CDH10: variants seen among roughly 807,000 people sequenced by gnomAD.
CDH10 encodes the protein cadherin 10.
CDH10 carries 30 observed loss-of-function variants against 73.1 expected under a neutral mutation model. The observed-to-expected ratio is 0.41, with a 90% CI of 0.31 to 0.56. The LOEUF (loss-of-function observed/expected upper bound fraction) is 0.56, where lower values mean the gene tolerates loss of function less well. CDH10 is among the 20% of genes least tolerant of loss of function. The pLI is 0.27. For synonymous variants in CDH10, 345 were observed against 348.2 expected, an observed-to-expected ratio of 0.99 and a Z score of 0.10; for missense variants, 815 against 973.7, an observed-to-expected ratio of 0.84 and a Z score of 2.17.
chr5:24,493,073 G>T (rs78596698), intron 9 of CDH10, 148 bp from the exon 10 acceptor site: 12,215 of 502,224 alleles, frequency 0.024, 1,212 homozygotes, highest in African/African-American at 0.22. Flanking sequence ...CATCTTTTTA[G>T]TATTACTTTG....
At chr5:24,639,395 C>A (rs1205101839) in intron 1 of CDH10, among the ~76,000 whole-genome samples, 1 of 151,568 alleles carries the variant, frequency 6.6e-6, no homozygotes, top group Non-Finnish European at 1.5e-5. Flanking sequence ...ATTACTAGGG[C>A]AAATATATGG....
intron 2 of CDH10, among the ~76,000 whole-genome samples, chr5:24,543,295 A>G (rs949445587): frequency 6.6e-6 from 1 of 152,106 alleles, no homozygotes. Flanking sequence ...CAAAAACTGG[A>G]AAAGTAGAGA....
chr5:24,541,070 T>C (rs1744137441), intron 2 of CDH10, among the ~76,000 whole-genome samples: 1 of 151,820 alleles, frequency 6.6e-6, no homozygotes, highest in Non-Finnish European at 1.5e-5. Context: ...CTTTTCAGAG[T>C]AAATAAAGGA....
Position 24,487,962 on chromosome 5 carries a change from T to C in CDH10, c.2068A>G (p.Ile690Val), listed in dbSNP as rs772047494. ...AIEEKKLRRD[I>V]IPETLFIPRR... Reference sequence around the variant, plus strand: ...GGAATAAATAACGTTTCTGGAATAATATCTCGCCGGAGCTTTTTTTCCTCA... The same window carrying C: ...GGAATAAATAACGTTTCTGGAATAACATCTCGCCGGAGCTTTTTTTCCTCA... The change falls in exon 12 of 12, where the codon ATT (isoleucine) becomes GTT (valine). Residue 690 changes from isoleucine to valine, a missense_variant. Physicochemically the swap from Ile to Val is conservative, Grantham distance 29. Around this residue, in one of 3 missense-constraint regions of CDH10, gnomAD observed 241 missense variants for 240.3 expected, o/e 1.00. Coordinates refer to ENST00000264463, the MANE Select transcript of CDH10 (RefSeq NM_006727.5). The C allele has an allele frequency of 1.9e-6, 3 of 1,613,886 alleles. No individual in the cohort carries two copies. Among genetic ancestry groups the C allele is most frequent in the East Asian group, 2.2e-5 (1 of 44,856 alleles).
intron 1 of CDH10, among the ~76,000 whole-genome samples, chr5:24,639,056 G>A (rs959175909): frequency 2.0e-5 from 3 of 151,438 alleles, no homozygotes; most frequent in Non-Finnish European, 4.4e-5. Flanking sequence ...AGAGGTTGAA[G>A]ATTTATATGG....
chr5:24,495,577 C>G (rs751637557), intron 9 of CDH10, among the ~76,000 whole-genome samples: 10 of 151,982 alleles, frequency 6.6e-5, no homozygotes, highest in Non-Finnish European at 1.3e-4. Flanking sequence ...GGCCAGGCGC[C>G]GTGGCTCACG....
chr5:24,591,735 G>C (rs1242816508), intron 2 of CDH10, among the ~76,000 whole-genome samples: 1 of 151,804 alleles, frequency 6.6e-6, no homozygotes, highest in Non-Finnish European at 1.5e-5. Context: ...TAAGAGATAT[G>C]AAGTACAGTT....
At chr5:24,512,986 C>A (rs1348614809) in intron 5 of CDH10, among the ~76,000 whole-genome samples, 1 of 141,422 alleles carries the variant, frequency 7.1e-6, no homozygotes, top group Non-Finnish European at 1.6e-5. Context: ...TTTCTTCTTG[C>A]TTTCTCTCTT....
At chr5:24,577,608 A>T (rs889173095) in intron 2 of CDH10, among the ~76,000 whole-genome samples, 11 of 152,012 alleles carry the variant, frequency 7.2e-5, no homozygotes, top group African/African-American at 2.7e-4. Flanking sequence ...TAAGTCAAAC[A>T]TAATATTCTT....
chr5:24,631,873 G>A (rs1450310743), intron 1 of CDH10, among the ~76,000 whole-genome samples: 1 of 152,046 alleles, frequency 6.6e-6, no homozygotes, highest in Non-Finnish European at 1.5e-5. Flanking sequence ...TTAGTGTGGA[G>A]TTGGAATCAA....
rs1232162483 is a variant in CDH10, at chr5:24,563,729, A to G, written c.232-26055T>C. ...AGCTTGCAGTGAGCCGAGATCCTGC[A>G]CTGCACTCCAGCCTGGGCGACAGAG... is the stretch of plus-strand genomic sequence containing the variant. On this transcript the variant is annotated intron_variant, in intron 2 of 11. Transcript: ENST00000264463. 4.7e-5 allele frequency among the ~76,000 whole-genome samples: 7 copies of G among 148,872 alleles called. No homozygotes were observed. The Admixed American group carries it at 4.7e-4, about 10-fold the overall frequency.
chr5:24,546,029 A>T (rs1486222479), intron 2 of CDH10, among the ~76,000 whole-genome samples: 1 of 152,136 alleles, frequency 6.6e-6, no homozygotes, highest in Non-Finnish European at 1.5e-5. Flanking sequence ...CTGAAGGAGA[A>T]GGACTAGGCA....
intron 5 of CDH10, among the ~76,000 whole-genome samples, chr5:24,518,884 C>CTTTTTTT (rs36019861): frequency 1.2e-4 from 9 of 77,448 alleles, no homozygotes; most frequent in South Asian, 5.3e-4. Flanking sequence ...GACATGTGCA[C>CTTTTTTT]TTTTTTTTTT....
At chr5:24,632,623 G>A (rs1489891438) in intron 1 of CDH10, among the ~76,000 whole-genome samples, 1 of 151,978 alleles carries the variant, frequency 6.6e-6, no homozygotes, top group East Asian at 1.9e-4. Context: ...GGGCAGTATG[G>A]CAGATTCAAA....
At chr5:24,561,613 G>T (rs1744962882) in intron 2 of CDH10, among the ~76,000 whole-genome samples, 1 of 152,040 alleles carries the variant, frequency 6.6e-6, no homozygotes, top group East Asian at 1.9e-4. Flanking sequence ...CCACAATTAG[G>T]TTAAAATGAA....
rs867492413 is a variant in CDH10 at position 24,487,765 on chromosome 5, A to G, written c.2265T>C (p.Thr755=). The change falls in exon 12 of 12, where the codon ACT becomes ACC. Residue 755 remains threonine, a synonymous_variant. Coordinates refer to ENST00000264463, the MANE Select transcript of CDH10 (RefSeq NM_006727.5). ...AESLSSLESG[T]TEGDQNYDYL... ...AATCGTAGTTTTGGTCTCCTTCAGT[A>G]GTACCTGATTCTAATGAACTCAGAG... 50 of 1,613,862 alleles carry G rather than the reference A, an allele frequency of 3.1e-5. No homozygotes were observed. In the Middle Eastern group the frequency reaches 2.3e-3, roughly 74 times the overall value.
intron 2 of CDH10, among the ~76,000 whole-genome samples, chr5:24,575,355 C>CAAAAA (rs751333761): frequency 2.4e-5 from 3 of 123,820 alleles, no homozygotes; most frequent in African/African-American, 6.8e-5. Flanking sequence ...ACAAAAACAA[C>CAAAAA]AAAAAAAAAA....
intron 6 of CDH10, 59 bp downstream of exon 6, chr5:24,511,268 T>C (rs1299381969): frequency 3.0e-6 from 3 of 1,003,698 alleles, no homozygotes; most frequent in East Asian, 2.4e-5. Context: ...GCGAAGAGTA[T>C]ATAATGCAAT....
chr5:24,552,583 T>C (rs1744586707), intron 2 of CDH10, among the ~76,000 whole-genome samples: 1 of 152,040 alleles, frequency 6.6e-6, no homozygotes, highest in African/African-American at 2.4e-5. Context: ...ATTTCGAACT[T>C]TGTCAATGCA....
Sources: gnomAD v4.1 joint callset for allele counts (sites outside exome capture counted in the v4.1 genomes callset) on GRCh38, gnomAD v4.1.1 for gene constraint, gnomAD v4.1.1 regional missense constraint, MANE v1.5 for transcripts, NCBI Gene and HGNC (gene_info 2026-07-23, HGNC 2026-07-21) for gene names.